The following ZBTB7C variants were observed in gnomAD, a reference collection of about 807,000 sequenced individuals.
ZBTB7C encodes zinc finger and BTB domain containing 7C.
ZBTB7C carries 8 observed loss-of-function variants against 25.7 expected under a neutral mutation model. That is an observed-to-expected ratio of 0.31 (90% CI 0.18 to 0.56). ZBTB7C has a LOEUF of 0.56. Among genes scored for constraint, ZBTB7C ranks in the 20% least tolerant of loss-of-function variants. The pLI is 0.91. For missense variants in ZBTB7C, 824 were observed against 855.2 expected, an observed-to-expected ratio of 0.96 and a Z score of 0.46; for synonymous variants, 394 against 369.0, an observed-to-expected ratio of 1.07 and a Z score of -0.78.
chr18:48,329,485 G>A (rs1314904490), intron 2 of ZBTB7C, among the ~76,000 whole-genome samples: 1 of 152,234 alleles, frequency 6.6e-6, no homozygotes, highest in Non-Finnish European at 1.5e-5. Context: ...CAACCTCTGA[G>A]AAAGTAAAAC....
At chr18:48,243,579 T>C (rs1395094120) in intron 2 of ZBTB7C, among the ~76,000 whole-genome samples, 1 of 152,152 alleles carries the variant, frequency 6.6e-6, no homozygotes, top group Non-Finnish European at 1.5e-5. Context: ...GAATCAATAC[T>C]GTGAAAATGA....
chr18:48,081,554 G>T (rs1162494287), intron 3 of ZBTB7C, among the ~76,000 whole-genome samples: 1 of 151,772 alleles, frequency 6.6e-6, no homozygotes, highest in Non-Finnish European at 1.5e-5. Flanking sequence ...CGCCTCCCAG[G>T]TTCATGCCAT....
chr18:48,297,031 T>C (rs954878705), intron 2 of ZBTB7C, among the ~76,000 whole-genome samples: 1 of 152,022 alleles, frequency 6.6e-6, no homozygotes, highest in Non-Finnish European at 1.5e-5. Flanking sequence ...GGTGGAACAG[T>C]TTCCCCCACC....
At position 48,028,524 on chromosome 18, in the gene ZBTB7C, GCTT is replaced by G. The variant is rs911331884; in HGVS notation, c.*733_*735del. The G allele has an allele frequency of 2.0e-5, 3 of 152,182 alleles. No homozygotes were observed. Among genetic ancestry groups the G allele is most frequent in the African/African-American group, 7.2e-5 (3 of 41,424 alleles). 9.4% of individuals were successfully genotyped at this position (152,182 alleles called of 1,614,324 possible). ...TCCCCATGGACTTGGGGAGTACAAA[GCTT>G]CTACCATCTCTGTGATTCTCTGGGG... On this transcript the variant is annotated 3_prime_UTR_variant, in exon 5 of 5. Coordinates refer to ENST00000590800, the MANE Select transcript of ZBTB7C (RefSeq NM_001318841.2).
At chr18:48,194,496 C>T (rs898903915) in intron 2 of ZBTB7C, among the ~76,000 whole-genome samples, 7 of 152,132 alleles carry the variant, frequency 4.6e-5, no homozygotes, top group Admixed American at 4.6e-4. Context: ...CTAAGTGCAG[C>T]AAGGTGATCA....
rs574699728 is a variant in ZBTB7C, at chr18:48,164,541, C to A, written c.-17+21393G>T. Among the ~76,000 whole-genome samples, 51 of 152,342 alleles carry A rather than the reference C, an allele frequency of 3.3e-4. 2 individuals carry two copies. The South Asian group carries it at 0.01, about 30-fold the overall frequency. On this transcript the variant is annotated intron_variant, in intron 3 of 4. Transcript: ENST00000590800. Reference sequence around the variant, plus strand: ...CTCCCTGTCTACCCATGGTTCAGATCAAGTGCTTACCTCGTGATCCTCCTT... The same window carrying A: ...CTCCCTGTCTACCCATGGTTCAGATAAAGTGCTTACCTCGTGATCCTCCTT...
chr18:48,207,570 C>CATCTATCT (rs35634878), intron 2 of ZBTB7C, among the ~76,000 whole-genome samples: 17,684 of 147,056 alleles, frequency 0.12, 1,138 homozygotes, highest in Middle Eastern at 0.2. Context: ...CACTGCCTAT[C>CATCTATCT]ATCTATCTAT....
At chr18:48,088,355 C>T (rs892636623) in intron 3 of ZBTB7C, 1 of 152,056 alleles carries the variant, frequency 6.6e-6, no homozygotes, top group East Asian at 1.9e-4. Flanking sequence ...AAGAAACAGG[C>T]CTTGAGGGAT....
intron 3 of ZBTB7C, among the ~76,000 whole-genome samples, chr18:48,110,697 C>G (rs552504689): frequency 1.6e-4 from 25 of 152,264 alleles, no homozygotes; most frequent in Admixed American, 3.9e-4. Flanking sequence ...GCCAAGCAGC[C>G]CTTCCTTCTG....
intron 2 of ZBTB7C, among the ~76,000 whole-genome samples, chr18:48,302,375 C>T (rs2045565869): frequency 6.6e-6 from 1 of 152,178 alleles, no homozygotes; most frequent in African/African-American, 2.4e-5. Context: ...GCGAGTCCAC[C>T]TTCTCTCCCT....
intron 2 of ZBTB7C, among the ~76,000 whole-genome samples, chr18:48,281,356 C>A (rs2044842342): frequency 6.6e-6 from 1 of 151,938 alleles, no homozygotes; most frequent in Admixed American, 6.6e-5. Context: ...CCATAAAAAC[C>A]CTAGAAGAAA....
intron 2 of ZBTB7C, among the ~76,000 whole-genome samples, chr18:48,269,250 C>T (rs1377561480): frequency 1.3e-5 from 2 of 152,128 alleles, no homozygotes; most frequent in East Asian, 1.9e-4. Flanking sequence ...ACATGTGAGC[C>T]GCCATGCCCG....
chr18:48,277,024 A>C (rs1334442526), intron 2 of ZBTB7C, among the ~76,000 whole-genome samples: 15 of 152,006 alleles, frequency 9.9e-5, no homozygotes, highest in Non-Finnish European at 2.1e-4. Context: ...TAAACGTTAG[A>C]CCTAAAACCA....
chr18:48,190,925 G>A (rs888327997), intron 2 of ZBTB7C, among the ~76,000 whole-genome samples: 14 of 152,104 alleles, frequency 9.2e-5, no homozygotes, highest in Admixed American at 8.5e-4. Flanking sequence ...ACTTATAATC[G>A]GCATGTGACA....
chr18:48,273,983 A>T (rs896873846), intron 2 of ZBTB7C, among the ~76,000 whole-genome samples: 3 of 152,232 alleles, frequency 2.0e-5, no homozygotes, highest in African/African-American at 7.2e-5. Flanking sequence ...TATCCAACTG[A>T]GAAACTCACA....
At chr18:48,238,957 C>T (rs562093348) in intron 2 of ZBTB7C, among the ~76,000 whole-genome samples, 7 of 152,032 alleles carry the variant, frequency 4.6e-5, no homozygotes, top group Non-Finnish European at 8.8e-5. Flanking sequence ...TGGTGGGGCA[C>T]GGTGGGAGTG....
At chr18:48,209,224 A>C (rs906384096) in intron 2 of ZBTB7C, among the ~76,000 whole-genome samples, 2 of 152,216 alleles carry the variant, frequency 1.3e-5, no homozygotes, top group Non-Finnish European at 2.9e-5. Flanking sequence ...CAGGCTCCAA[A>C]CGGAAATGTG....
At chr18:48,134,090 ATT>A (rs35281038) in intron 3 of ZBTB7C, among the ~76,000 whole-genome samples, 51,391 of 138,910 alleles carry the variant, frequency 0.37, 9,752 homozygotes, top group African/African-American at 0.5. Flanking sequence ...CAAACCCAGG[ATT>A]TTTTTTTTTT....
intron 3 of ZBTB7C, among the ~76,000 whole-genome samples, chr18:48,114,734 T>C (rs1254150527): frequency 6.6e-6 from 1 of 152,178 alleles, no homozygotes; most frequent in East Asian, 1.9e-4. Flanking sequence ...TGGAATACTA[T>C]TCAGTGGTGA....
Sources: allele counts gnomAD v4.1 joint callset (sites outside exome capture counted in the v4.1 genomes callset), GRCh38; gene constraint gnomAD v4.1.1; transcripts MANE v1.5; gene names NCBI Gene and HGNC (gene_info 2026-07-23, HGNC 2026-07-21).